Variants in SLC22A2 observed in about 807,000 individuals in gnomAD.
The protein encoded by SLC22A2 is solute carrier family 22 member 2, also known as organic cation transporter 2.
A neutral mutation model predicts 60.5 loss-of-function variants in SLC22A2; 46 were observed. The ratio of observed to expected loss-of-function variants is 0.76; its 90% CI spans 0.60 to 0.97. SLC22A2 has a LOEUF of 0.97. Among genes scored for constraint, SLC22A2 ranks in the 50% least tolerant of loss-of-function variants. SLC22A2 has a pLI of 0.00. For missense variants in SLC22A2, 701 were observed against 706.6 expected (o/e 0.99, Z 0.09); for synonymous variants, 303 against 267.0 (o/e 1.13, Z -1.31).
In SLC22A2 at chr6:160,240,714, CTCT is replaced by C. The variant is rs137890335; in HGVS notation, c.1501+757_1501+759del. Among the ~76,000 whole-genome samples the C allele has an allele frequency of 2.3e-3, 345 of 152,238 alleles. 2 individuals are homozygous for C. Among genetic ancestry groups the C allele is most frequent in the African/African-American group, 8.1e-3 (335 of 41,550 alleles). ...CCTCATGTACATCTGAGAGTGAAAT[CTCT>C]TCTTCTTCTCTTCCCCTAAATTGAG... On this transcript the variant is annotated intron_variant, in intron 9 of 10. Coordinates refer to ENST00000366953, the MANE Select transcript of SLC22A2 (RefSeq NM_003058.4).
intron 2 of SLC22A2, among the ~76,000 whole-genome samples, chr6:160,255,620 T>A (rs1783257796): frequency 6.6e-6 from 1 of 152,116 alleles, no homozygotes; most frequent in Non-Finnish European, 1.5e-5. Flanking sequence ...TTGTGTATTA[T>A]ATATAATAAT....
intron 4 of SLC22A2, 43 bp from the exon 5 acceptor site, chr6:160,247,341 C>T (rs1337886013): frequency 1.0e-6 from 1 of 997,416 alleles, no homozygotes; most frequent in Non-Finnish European, 1.6e-6. Context: ...ACTGAATCCT[C>T]CTTACCCCAT....
chr6:160,250,373 G>A, intron 3 of SLC22A2, 175 bp downstream of exon 3: 1 of 626,810 alleles, frequency 1.6e-6, no homozygotes, highest in Non-Finnish European at 2.8e-6. Flanking sequence ...AGTTTATAAG[G>A]AGGAATGCTG....
Position 160,217,309 on chromosome 6 carries a change from GT to G in SLC22A2, c.*122del. The G allele has an allele frequency of 3.3e-6, 2 of 610,820 alleles. No individual in the cohort carries two copies. The highest frequency in any genetic ancestry group is 5.8e-6 in the Non-Finnish European group (2 of 346,292). 37.8% of individuals were successfully genotyped at this position (610,820 alleles called of 1,614,324 possible). A position where few individuals can be genotyped will look rare whatever the true frequency, so the allele number is the denominator to read the frequency against. ...TAGACTCCACTGGCTGTAGACCTAG[GT>G]TGATAGGGCTCAGGGGTAAGTTTGG... On this transcript the variant is annotated 3_prime_UTR_variant, in exon 11 of 11. Coordinates refer to ENST00000366953, the MANE Select transcript of SLC22A2 (RefSeq NM_003058.4).
At chr6:160,227,976 A>T (rs1432923699) in intron 9 of SLC22A2, among the ~76,000 whole-genome samples, 2 of 152,268 alleles carry the variant, frequency 1.3e-5, no homozygotes, top group Non-Finnish European at 2.9e-5. Context: ...TGGTCAAAAA[A>T]CAGGAAACTC....
At chr6:160,234,482 G>A (rs1782878988) in intron 9 of SLC22A2, among the ~76,000 whole-genome samples, 1 of 152,142 alleles carries the variant, frequency 6.6e-6, no homozygotes, top group Non-Finnish European at 1.5e-5. Context: ...GCCACAGGAG[G>A]AGCTGCCCCT....
intron 10 of SLC22A2, among the ~76,000 whole-genome samples, chr6:160,222,435 G>C (rs1162060818): frequency 6.6e-6 from 1 of 152,192 alleles, no homozygotes; most frequent in Non-Finnish European, 1.5e-5. Flanking sequence ...CTGCCTGCCT[G>C]GCACTGGCGC....
At chr6:160,256,238 G>C (rs935089135) in intron 2 of SLC22A2, among the ~76,000 whole-genome samples, 1 of 151,984 alleles carries the variant, frequency 6.6e-6, no homozygotes, top group African/African-American at 2.4e-5. Context: ...GGATAGGATT[G>C]AGCTCAGAGG....
In SLC22A2 at chr6:160,239,119, A is replaced by T. The variant is rs12055754; in HGVS notation, c.1501+2355T>A. Among the ~76,000 whole-genome samples the T allele has an allele frequency of 3.6e-3, 550 of 152,292 alleles. 18 individuals are homozygous for T. The East Asian group carries it at 0.088, about 25-fold the overall frequency. On this transcript the variant is annotated intron_variant, in intron 9 of 10. Transcript: ENST00000366953. ...ATGGAAGTGACCTCTGGTCATCCTCACTACTCATTATACACTAATTATAAT... is the reference window on the plus strand; with the variant it reads ...ATGGAAGTGACCTCTGGTCATCCTCTCTACTCATTATACACTAATTATAAT...
intron 7 of SLC22A2, among the ~76,000 whole-genome samples, chr6:160,243,241 G>T (rs1327567461): frequency 6.6e-6 from 1 of 152,110 alleles, no homozygotes; most frequent in Non-Finnish European, 1.5e-5. Context: ...AGAGTCCCCA[G>T]TTAACACCCA....
chr6:160,217,597 T>C, intron 10 of SLC22A2, 99 bp from the exon 11 acceptor site: 2 of 677,216 alleles, frequency 3.0e-6, no homozygotes. Context: ...AACAAATGAT[T>C]ATAAACTTTG....
intron 9 of SLC22A2, among the ~76,000 whole-genome samples, chr6:160,236,729 C>T (rs1286849605): frequency 2.0e-5 from 3 of 152,142 alleles, no homozygotes; most frequent in East Asian, 3.9e-4. Flanking sequence ...GTACAGGGTT[C>T]CTGACCTGTG....
At chr6:160,250,745 A>G in intron 2 of SLC22A2, 43 bp from the exon 3 acceptor site, 1 of 1,591,374 alleles carries the variant, frequency 6.3e-7, no homozygotes, top group Non-Finnish European at 8.6e-7. Flanking sequence ...ATTAATTTTG[A>G]TTTGTGAAGA....
chr6:160,256,896 CTCTCTCT>C (rs930599945), intron 1 of SLC22A2, among the ~76,000 whole-genome samples, 179 bp from the exon 2 acceptor site: 40 of 147,024 alleles, frequency 2.7e-4, no homozygotes, highest in African/African-American at 9.6e-4. Context: ...TCTTCTCTCT[CTCTCTCT>C]TTTTTTTTTT....
chr6:160,223,446 TGTTTTGCTTTTTCCCCC>T (rs1782673540), intron 10 of SLC22A2, among the ~76,000 whole-genome samples: 1 of 152,250 alleles, frequency 6.6e-6, no homozygotes, highest in African/African-American at 2.4e-5. Flanking sequence ...TACATTTCTA[TGTTTTGCTTTTTCCCCC>T]ATTAGCAATA....
chr6:160,243,722 A>C lies in SLC22A2; in HGVS notation c.1129T>G (p.Tyr377Asp). 6.2e-7 allele frequency: 1 copy of C among 1,613,936 alleles called. No individual in the cohort carries two copies. The highest frequency in any genetic ancestry group is 8.5e-7 in the Non-Finnish European group (1 of 1,179,836). The change falls in exon 7 of 11, where the codon TAC becomes GAC. Residue 377 changes from tyrosine (Y) to aspartate (D), a missense_variant. By Grantham distance (160) the Tyr-to-Asp change is radical (BLOSUM62 -3). Transcript: ENST00000366953. Reference protein sequence around the residue: ...MHMGLAGDNIYLDFFYSALVE... With the variant: ...MHMGLAGDNIDLDFFYSALVE... ...AGGGCAGAGTAGAAGAAATCCAGGT[A>C]GATATTGTCACCTGCAAGGCCCATG...
rs554099075 is a variant in SLC22A2, at chr6:160,258,774, G to A, written c.-17C>T. On this transcript the variant is annotated 5_prime_UTR_variant, in exon 1 of 11. Coordinates refer to ENST00000366953, the MANE Select transcript of SLC22A2 (RefSeq NM_003058.4). ...GGTGGGCATGATCCTGCAGGCAGGA[G>A]GGCCCGAGGCTGCCCGACGTGCCCG... 4.3e-5 allele frequency: 65 copies of A among 1,529,020 alleles called. No individual in the cohort carries two copies. In the African/African-American group the frequency reaches 8.5e-4, roughly 20 times the overall value. 94.7% of individuals were successfully genotyped at this position (1,529,020 alleles called of 1,614,324 possible).
In SLC22A2 at chr6:160,235,217, G is replaced by T. The variant is rs966456485; in HGVS notation, c.1501+6257C>A. ...TTTCATTGCATTATCTGATGTTTTT[G>T]ACTTGGAGGGTATCAGAAATTACTA... On this transcript the variant is annotated intron_variant, in intron 9 of 10. Coordinates refer to ENST00000366953, the MANE Select transcript of SLC22A2 (RefSeq NM_003058.4). 2.6e-5 allele frequency among the ~76,000 whole-genome samples: 4 copies of T among 152,016 alleles called. 1 individual carries two copies. In the South Asian group the frequency reaches 8.3e-4, roughly 32 times the overall value.
intron 9 of SLC22A2, among the ~76,000 whole-genome samples, chr6:160,232,432 G>A (rs1782839799): frequency 6.6e-6 from 1 of 151,832 alleles, no homozygotes; most frequent in Non-Finnish European, 1.5e-5. Flanking sequence ...CTCATTGCCT[G>A]AACTTGGGCC....
Sources: gnomAD v4.1 joint callset for allele counts (sites outside exome capture counted in the v4.1 genomes callset) on GRCh38, gnomAD v4.1.1 for gene constraint, MANE v1.5 for transcripts, NCBI Gene and HGNC (gene_info 2026-07-23, HGNC 2026-07-21) for gene names.